Variants in RALGPS1 observed in about 807,000 individuals in gnomAD.
The protein encoded by RALGPS1 is ras-specific guanine nucleotide-releasing factor RalGPS1.
Under a neutral mutation model 78.8 loss-of-function variants are expected in RALGPS1, and 19 were observed. The observed-to-expected ratio is 0.24, with a 90% CI of 0.17 to 0.35. The LOEUF (loss-of-function observed/expected upper bound fraction) is 0.35, where lower values mean the gene tolerates loss of function less well. Ranked by LOEUF, RALGPS1 falls within the 10% of genes least tolerant of loss-of-function variation. RALGPS1 has a pLI of 1.00. For synonymous variants in RALGPS1, 228 were observed against 256.3 expected (o/e 0.89, Z 1.06); for missense variants, 454 against 688.3 (o/e 0.66, Z 3.81).
intron 11 of RALGPS1, among the ~76,000 whole-genome samples, chr9:127,178,784 G>A (rs944793): frequency 0.47 from 70,806 of 152,146 alleles, 16,905 homozygotes; most frequent in Non-Finnish European, 0.48. Flanking sequence ...GTGGCCTGCA[G>A]AGCGTGAACT....
At chr9:127,170,165 G>A (rs1204165125) in intron 10 of RALGPS1, among the ~76,000 whole-genome samples, 1 of 152,168 alleles carries the variant, frequency 6.6e-6, no homozygotes, top group Non-Finnish European at 1.5e-5. Flanking sequence ...TGTAGCCACA[G>A]AGACAACCCC....
chr9:126,925,178 C>G (rs920481064), intron 1 of RALGPS1, among the ~76,000 whole-genome samples: 2 of 151,844 alleles, frequency 1.3e-5, no homozygotes, highest in Non-Finnish European at 2.9e-5. Context: ...AAATACAGAT[C>G]TGGTCCTTGC....
intron 17 of RALGPS1, chr9:127,213,635 G>A (rs1167897359): frequency 6.5e-6 from 1 of 152,880 alleles, no homozygotes; most frequent in Non-Finnish European, 1.5e-5. Context: ...GGTCTCCTCA[G>A]TAACCCATGT....
At chr9:126,962,194 A>C in intron 1 of RALGPS1, 31 bp from the exon 2 acceptor site, 1 of 1,266,346 alleles carries the variant, frequency 7.9e-7, no homozygotes, top group Non-Finnish European at 1.1e-6. Flanking sequence ...TGTTTTGAAG[A>C]CTGATTTTTA....
intron 3 of RALGPS1, among the ~76,000 whole-genome samples, chr9:126,974,825 C>G (rs759805500): frequency 6.6e-6 from 1 of 152,120 alleles, no homozygotes; most frequent in Non-Finnish European, 1.5e-5. Context: ...TAACATACCC[C>G]TAGAAAATGC....
chr9:127,022,859 G>A (rs2045594940), intron 4 of RALGPS1, among the ~76,000 whole-genome samples: 1 of 152,140 alleles, frequency 6.6e-6, no homozygotes, highest in South Asian at 2.1e-4. Context: ...CTTTTTCGCA[G>A]GAGTTATCAT....
chr9:127,108,320 A>G (rs754634329), intron 8 of RALGPS1: 4 of 1,613,704 alleles, frequency 2.5e-6, no homozygotes, highest in Non-Finnish European at 2.5e-6. Flanking sequence ...AGCTGCATGT[A>G]GAGCTGCGTG....
Position 127,196,595 on chromosome 9 carries a change from A to G in RALGPS1, c.1159A>G (p.Thr387Ala), listed in dbSNP as rs1267235274. Residue 387 changes from threonine to alanine, a missense_variant, in exon 13 of 19, where the codon ACC becomes GCC. Transcript: ENST00000259351. ...SRSPRRGLAL[T>A]SSSAVTNGLS... is the part of the protein sequence containing the mutation. ...CAGCCCCCGAAGGGGCCTGGCTCTG[A>G]CCTCCTCCTCTGCTGTCACCAATGG... 6.2e-7 allele frequency: 1 copy of G among 1,611,812 alleles called. No individual in the cohort carries two copies. The highest frequency in any genetic ancestry group is 1.7e-5 in the Admixed American group (1 of 59,678).
chr9:126,956,203 C>T (rs538808305), intron 1 of RALGPS1, among the ~76,000 whole-genome samples: 2 of 152,020 alleles, frequency 1.3e-5, no homozygotes, highest in African/African-American at 2.4e-5. Flanking sequence ...AAGCACAGTT[C>T]CCTATCTTCA....
intron 13 of RALGPS1, among the ~76,000 whole-genome samples, chr9:127,196,954 G>T (rs2061380612): frequency 1.3e-5 from 2 of 152,208 alleles, no homozygotes; most frequent in Admixed American, 1.3e-4. Flanking sequence ...GACCAGACTG[G>T]ACCACAGTCA....
intron 18 of RALGPS1, among the ~76,000 whole-genome samples, 167 bp downstream of exon 18, chr9:127,215,009 T>C (rs991782786): frequency 6.6e-6 from 1 of 152,212 alleles, no homozygotes; most frequent in Non-Finnish European, 1.5e-5. Context: ...ACCCCCTTGC[T>C]CAGCTTAGAA....
At chr9:127,006,137 T>C (rs1271055578) in intron 4 of RALGPS1, among the ~76,000 whole-genome samples, 2 of 152,222 alleles carry the variant, frequency 1.3e-5, no homozygotes, top group Non-Finnish European at 2.9e-5. Context: ...AGCATTACCC[T>C]GAAGAACAGG....
chr9:127,023,149 A>G (rs2045628925), intron 4 of RALGPS1, among the ~76,000 whole-genome samples: 1 of 152,136 alleles, frequency 6.6e-6, no homozygotes, highest in Non-Finnish European at 1.5e-5. Context: ...TCGTCCAAGA[A>G]AGAACTAAAG....
At chr9:127,045,798 A>G (rs1187988427) in intron 5 of RALGPS1, among the ~76,000 whole-genome samples, 1 of 136,656 alleles carries the variant, frequency 7.3e-6, no homozygotes, top group African/African-American at 2.8e-5. Context: ...CACACACACA[A>G]TTTCTTGGCT....
intron 1 of RALGPS1, among the ~76,000 whole-genome samples, chr9:126,951,989 T>A (rs192553070): frequency 6.6e-6 from 1 of 152,224 alleles, no homozygotes; most frequent in African/African-American, 2.4e-5. Flanking sequence ...ATACAAAATC[T>A]GTGTACAAAA....
chr9:127,213,088 C>T, intron 17 of RALGPS1, 39 bp downstream of exon 17: 1 of 1,613,256 alleles, frequency 6.2e-7, no homozygotes, highest in African/African-American at 1.3e-5. Flanking sequence ...CAGCTGCTCT[C>T]TGCCCATTTC....
At chr9:126,939,350 A>G (rs969645381) in intron 1 of RALGPS1, among the ~76,000 whole-genome samples, 3 of 152,222 alleles carry the variant, frequency 2.0e-5, no homozygotes, top group Non-Finnish European at 4.4e-5. Flanking sequence ...TTTATTGAGA[A>G]CACAATAGAC....
chr9:127,051,699 CCTTT>C (rs1307949910), intron 6 of RALGPS1, among the ~76,000 whole-genome samples: 1 of 152,168 alleles, frequency 6.6e-6, no homozygotes, highest in African/African-American at 2.4e-5. Flanking sequence ...AAGGGCTTTT[CCTTT>C]CTTTATGCAT....
chr9:127,004,530 G>A (rs879646325), intron 4 of RALGPS1, among the ~76,000 whole-genome samples: 1 of 152,204 alleles, frequency 6.6e-6, no homozygotes, highest in Non-Finnish European at 1.5e-5. Flanking sequence ...GGCATGAAGT[G>A]CTACTACTTA....
Sources: gnomAD v4.1 joint callset for allele counts (sites outside exome capture counted in the v4.1 genomes callset) on GRCh38, gnomAD v4.1.1 for gene constraint, MANE v1.5 for transcripts, NCBI Gene and HGNC (gene_info 2026-07-23, HGNC 2026-07-21) for gene names.